Variants in NAV3 observed in about 807,000 individuals in gnomAD.
The protein encoded by NAV3 is pore membrane and/or filament interacting like protein 1.
Under a neutral mutation model 244.7 loss-of-function variants are expected in NAV3, and 87 were observed. The ratio of observed to expected loss-of-function variants is 0.36; its 90% CI spans 0.30 to 0.42. The LOEUF is 0.42. Among genes scored for constraint, NAV3 ranks in the 20% least tolerant of loss-of-function variants. NAV3 has a pLI of 1.00. For synonymous variants in NAV3, 1,126 were observed against 1,042.2 expected (o/e 1.08, Z -1.55); for missense variants, 2,663 against 2,893.3 (o/e 0.92, Z 1.83).
intron 12 of NAV3, among the ~76,000 whole-genome samples, chr12:78,086,121 G>T (rs1390403989): frequency 1.3e-5 from 2 of 152,044 alleles, no homozygotes; most frequent in Admixed American, 6.6e-5. Flanking sequence ...ACCCGTGCAG[G>T]ATTGTTGAGA....
At chr12:77,854,681 A>G (rs543613771) in intron 1 of NAV3, among the ~76,000 whole-genome samples, 1 of 152,336 alleles carries the variant, frequency 6.6e-6, no homozygotes, top group Non-Finnish European at 1.5e-5. Context: ...AAAACAACAT[A>G]TAATTTCAAA....
intron 2 of NAV3, among the ~76,000 whole-genome samples, chr12:77,631,471 A>G (rs746630722): frequency 5.7e-5 from 6 of 105,078 alleles, no homozygotes; most frequent in South Asian, 2.7e-4. Context: ...AATCTTTTGG[A>G]AAAAAAAAAA....
In NAV3 at chr12:77,831,322, T is replaced by C; in HGVS notation, c.-140T>C. On this transcript the variant is annotated 5_prime_UTR_variant, in exon 1 of 40. Transcript: ENST00000397909. The stretch of plus-strand genomic sequence containing the variant: ...GGAAGTTTTGCCTCTTCCTGAAAAT[T>C]ATATTATTAGCTTTTTAAAAATCAG... The C allele has an allele frequency of 1.1e-6, 1 of 901,612 alleles. No individual in the cohort carries two copies. Among genetic ancestry groups the C allele is most frequent in the Non-Finnish European group, 1.6e-6 (1 of 632,112 alleles). The allele number at this position is 901,612 out of a possible 1,614,324, so 55.9% of individuals were successfully genotyped here. A position where few individuals can be genotyped will look rare whatever the true frequency, so the allele number is the denominator to read the frequency against.
At chr12:78,193,485 T>G (rs533190854) in intron 34 of NAV3, among the ~76,000 whole-genome samples, 1 of 152,190 alleles carries the variant, frequency 6.6e-6, no homozygotes, top group Non-Finnish European at 1.5e-5. Context: ...ACCATTTTTA[T>G]GTAACTGTGG....
chr12:77,653,022 C>T (rs1872898281), intron 2 of NAV3, among the ~76,000 whole-genome samples: 1 of 150,864 alleles, frequency 6.6e-6, no homozygotes, highest in Non-Finnish European at 1.5e-5. Context: ...ATTACCTAGT[C>T]AAATAAATTT....
At position 78,114,048 on chromosome 12, in the gene NAV3, G is replaced by C. The variant is rs1955242224; in HGVS notation, c.2637-2724G>C. On this transcript the variant is annotated intron_variant, in intron 12 of 39. Transcript: ENST00000397909. ...AAAGTACCACAGATCTCTAGGGCAGGGGCAAAATGCCACCAGTCTCTTTGC... is the reference window on the plus strand; with the variant it reads ...AAAGTACCACAGATCTCTAGGGCAGCGGCAAAATGCCACCAGTCTCTTTGC... 5.9e-5 allele frequency among the ~76,000 whole-genome samples: 9 copies of C among 152,206 alleles called. No homozygotes were observed. The South Asian group carries it at 1.9e-3, about 32-fold the overall frequency.
chr12:77,899,012 A>C (rs1323181339), intron 1 of NAV3, among the ~76,000 whole-genome samples: 1 of 152,230 alleles, frequency 6.6e-6, no homozygotes, highest in Non-Finnish European at 1.5e-5. Flanking sequence ...AGGAATAGCA[A>C]GAGCAAGAGA....
chr12:77,711,907 C>T (rs1876135585), intron 2 of NAV3, among the ~76,000 whole-genome samples: 1 of 152,134 alleles, frequency 6.6e-6, no homozygotes, highest in African/African-American at 2.4e-5. Flanking sequence ...TTTATGATTT[C>T]TCTGGTGGGC....
intron 3 of NAV3, among the ~76,000 whole-genome samples, chr12:77,952,017 T>G (rs992204999): frequency 6.6e-6 from 1 of 150,680 alleles, no homozygotes; most frequent in African/African-American, 2.4e-5. Flanking sequence ...TGTATACATA[T>G]GTAACAAACC....
At chr12:77,676,524 G>A (rs939927747) in intron 2 of NAV3, among the ~76,000 whole-genome samples, 5 of 148,266 alleles carry the variant, frequency 3.4e-5, no homozygotes, top group Non-Finnish European at 5.9e-5. Flanking sequence ...TGCAGAACTC[G>A]TCCTGTGTGG....
chr12:77,883,156 G>C (rs148153538), intron 1 of NAV3, among the ~76,000 whole-genome samples: 44 of 152,194 alleles, frequency 2.9e-4, no homozygotes, highest in African/African-American at 1.1e-3. Context: ...TCCCCATGCT[G>C]TTCACAATAG....
chr12:78,129,762 C>G (rs552345423), intron 18 of NAV3, among the ~76,000 whole-genome samples: 1 of 152,014 alleles, frequency 6.6e-6, no homozygotes, highest in South Asian at 2.1e-4. Flanking sequence ...TTATTAGAGC[C>G]AGAGACGATC....
chr12:78,168,436 A>C (rs1957869153), intron 23 of NAV3, among the ~76,000 whole-genome samples: 1 of 151,844 alleles, frequency 6.6e-6, no homozygotes, highest in Non-Finnish European at 1.5e-5. Context: ...TAAGTGTGTT[A>C]TCTGAAATGA....
intron 3 of NAV3, 70 bp downstream of exon 3, chr12:77,941,203 G>A (rs1161754870): frequency 2.0e-6 from 2 of 980,236 alleles, no homozygotes; most frequent in Non-Finnish European, 1.5e-6. Flanking sequence ...ATTTGTAAAT[G>A]GATATTATTT....
intron 12 of NAV3, among the ~76,000 whole-genome samples, chr12:78,079,588 C>G (rs1268073025): frequency 6.6e-6 from 1 of 151,280 alleles, no homozygotes; most frequent in Non-Finnish European, 1.5e-5. Flanking sequence ...AGTCACAATC[C>G]TTTTTCTTCT....
intron 4 of NAV3, among the ~76,000 whole-genome samples, chr12:77,967,434 A>T (rs914047088): frequency 6.6e-6 from 1 of 152,090 alleles, no homozygotes; most frequent in African/African-American, 2.4e-5. Context: ...TGTTTGGGGG[A>T]AAAATAGAAC....
chr12:78,036,526 T>C, intron 9 of NAV3: 1 of 196,534 alleles, frequency 5.1e-6, no homozygotes, highest in Non-Finnish European at 1.1e-5. Flanking sequence ...TGTGGACCCA[T>C]CCTCCTGCTG....
chr12:77,721,128 C>G (rs141877190), intron 2 of NAV3, among the ~76,000 whole-genome samples: 4 of 152,218 alleles, frequency 2.6e-5, no homozygotes, highest in Non-Finnish European at 5.9e-5. Flanking sequence ...AGCTGAGAAG[C>G]TAGGACTATT....
At chr12:77,983,778 G>C (rs1490023013) in intron 5 of NAV3, among the ~76,000 whole-genome samples, 2 of 152,166 alleles carry the variant, frequency 1.3e-5, no homozygotes, top group African/African-American at 4.8e-5. Context: ...GCAATGTACT[G>C]AGTTATGGTA....
Sources: allele counts gnomAD v4.1 joint callset (sites outside exome capture counted in the v4.1 genomes callset), GRCh38; gene constraint gnomAD v4.1.1; transcripts MANE v1.5; gene names NCBI Gene and HGNC (gene_info 2026-07-23, HGNC 2026-07-21).